COL26A1: variants seen among roughly 807,000 people sequenced by gnomAD.
COL26A1 encodes collagen alpha-1(XXVI) chain.
COL26A1 carries 41 observed loss-of-function variants against 59.3 expected under a neutral mutation model. The observed-to-expected ratio is 0.69, with a 90% CI of 0.54 to 0.90. The LOEUF (loss-of-function observed/expected upper bound fraction) is 0.90. Ranked by LOEUF, COL26A1 falls within the 40% of genes least tolerant of loss-of-function variation. The pLI is 0.00. For synonymous variants in COL26A1, 266 were observed against 256.0 expected (o/e 1.04, Z -0.37); for missense variants, 612 against 602.3 (o/e 1.02, Z -0.17).
chr7:101,457,842 T>TTATTCCA (rs1793512126), intron 3 of COL26A1, among the ~76,000 whole-genome samples: 1 of 152,146 alleles, frequency 6.6e-6, no homozygotes, highest in Non-Finnish European at 1.5e-5. Context: ...TTGCTGGATA[T>TTATTCCA]TATTCCATTG....
At chr7:101,469,536 C>G (rs1793844537) in intron 3 of COL26A1, among the ~76,000 whole-genome samples, 1 of 151,388 alleles carries the variant, frequency 6.6e-6, no homozygotes, top group South Asian at 2.1e-4. Flanking sequence ...TCTTTTCGCC[C>G]TGGTGTGCAG....
chr7:101,544,595 C>T (rs1201580104), intron 6 of COL26A1, among the ~76,000 whole-genome samples: 1 of 144,088 alleles, frequency 6.9e-6, no homozygotes, highest in Non-Finnish European at 1.5e-5. Flanking sequence ...CACGGTGGCA[C>T]AATCTCAGCT....
At chr7:101,461,447 C>T (rs1255125263) in intron 3 of COL26A1, among the ~76,000 whole-genome samples, 2 of 151,960 alleles carry the variant, frequency 1.3e-5, no homozygotes, top group African/African-American at 4.8e-5. Flanking sequence ...TACAGATGCC[C>T]GCCACTACAC....
intron 6 of COL26A1, among the ~76,000 whole-genome samples, chr7:101,544,498 A>G (rs1423518485): frequency 7.1e-6 from 1 of 141,430 alleles, no homozygotes; most frequent in African/African-American, 2.6e-5. Flanking sequence ...AAGTGCTGGG[A>G]TTACAGGCGT....
At chr7:101,435,600 G>A (rs376189115) in intron 2 of COL26A1, among the ~76,000 whole-genome samples, 227 of 152,284 alleles carry the variant, frequency 1.5e-3, no homozygotes, top group African/African-American at 5.1e-3. Context: ...GACGTTGGGC[G>A]TCACGGACAT....
intron 2 of COL26A1, among the ~76,000 whole-genome samples, chr7:101,431,104 TA>T (rs1283332843): frequency 6.6e-6 from 1 of 152,162 alleles, no homozygotes; most frequent in Non-Finnish European, 1.5e-5. Context: ...GCCCAGCCTG[TA>T]TGCCTTTTAT....
intron 1 of COL26A1, among the ~76,000 whole-genome samples, chr7:101,398,665 C>T (rs1791920324): frequency 6.6e-6 from 1 of 152,140 alleles, no homozygotes; most frequent in African/African-American, 2.4e-5. Flanking sequence ...ATGTGTTATT[C>T]ACCCTCTCAG....
rs1021182942 is a variant in COL26A1 at position 101,467,649 on chromosome 7, C to T, written c.385+19862C>T. On this transcript the variant is annotated intron_variant, in intron 3 of 12. Transcript: ENST00000313669. Reference sequence around the variant, plus strand: ...TTGGGAGGCTGAGGCGGGCAGATCACGAGGTCAGGAGATCAAGACCATCCT... The same window carrying T: ...TTGGGAGGCTGAGGCGGGCAGATCATGAGGTCAGGAGATCAAGACCATCCT... 3.8e-4 allele frequency among the ~76,000 whole-genome samples: 56 copies of T among 145,492 alleles called. 3 individuals are homozygous for T. The highest frequency in any genetic ancestry group is 2.1e-4 in the South Asian group (1 of 4,770).
At chr7:101,528,058 G>A (rs1050798966) in intron 3 of COL26A1, among the ~76,000 whole-genome samples, 2 of 152,168 alleles carry the variant, frequency 1.3e-5, no homozygotes, top group South Asian at 2.1e-4. Context: ...GCGCCTGCCC[G>A]GGGATGGGGG....
intron 3 of COL26A1, among the ~76,000 whole-genome samples, chr7:101,471,022 C>T (rs956491482): frequency 1.3e-5 from 2 of 151,994 alleles, no homozygotes; most frequent in Non-Finnish European, 2.9e-5. Flanking sequence ...AGGGGCTCCA[C>T]GCTAGCAATT....
intron 1 of COL26A1, among the ~76,000 whole-genome samples, chr7:101,364,840 G>A (rs1750031300): frequency 6.6e-6 from 1 of 152,188 alleles, no homozygotes; most frequent in African/African-American, 2.4e-5. Context: ...AAAATGCTGG[G>A]ATTACAGGCG....
intron 2 of COL26A1, among the ~76,000 whole-genome samples, chr7:101,445,001 T>C (rs1370650227): frequency 1.3e-5 from 2 of 151,060 alleles, no homozygotes; most frequent in African/African-American, 4.9e-5. Flanking sequence ...CCATCATGCC[T>C]GGCTAATTTT....
intron 2 of COL26A1, among the ~76,000 whole-genome samples, chr7:101,421,036 T>C (rs1336359325): frequency 2.0e-5 from 3 of 151,954 alleles, no homozygotes; most frequent in Non-Finnish European, 4.4e-5. Context: ...CCAAATCCCT[T>C]CCCCTCCTTT....
intron 1 of COL26A1, among the ~76,000 whole-genome samples, chr7:101,384,159 G>T (rs190424357): frequency 3.6e-3 from 549 of 150,944 alleles, no homozygotes; most frequent in African/African-American, 0.012. Flanking sequence ...GACCACAGGC[G>T]TGCGCCACCA....
At chr7:101,373,948 T>C (rs2117012611) in intron 1 of COL26A1, among the ~76,000 whole-genome samples, 1 of 152,346 alleles carries the variant, frequency 6.6e-6, no homozygotes, top group Non-Finnish European at 1.5e-5. Flanking sequence ...CGAACTCGTG[T>C]GACACTTCAT....
intron 3 of COL26A1, among the ~76,000 whole-genome samples, chr7:101,488,089 A>C (rs1277958993): frequency 6.7e-6 from 1 of 149,702 alleles, no homozygotes; most frequent in African/African-American, 2.5e-5. Context: ...CCTGGCCAAC[A>C]TGGTGAAACC....
chr7:101,462,267 G>A lies in COL26A1; in HGVS notation c.385+14480G>A, dbSNP rs1278644550. On this transcript the variant is annotated intron_variant, in intron 3 of 12. Coordinates refer to ENST00000313669, the MANE Select transcript of COL26A1 (RefSeq NM_001278563.3). ...CCCGCCTTGGCCTCCCAGAGTGCTG[G>A]GATTACAGGCTTGAGCCACCGCACC... 2.6e-5 allele frequency among the ~76,000 whole-genome samples: 4 copies of A among 151,854 alleles called. No individual in the cohort carries two copies. In the East Asian group the frequency reaches 5.8e-4, roughly 22 times the overall value.
chr7:101,441,793 T>G (rs1793064283), intron 2 of COL26A1, among the ~76,000 whole-genome samples: 1 of 152,142 alleles, frequency 6.6e-6, no homozygotes, highest in Admixed American at 6.6e-5. Context: ...TCTCTCCTGA[T>G]GACAGTGGGG....
intron 3 of COL26A1, among the ~76,000 whole-genome samples, chr7:101,463,869 TTTTC>T (rs566945352): frequency 0.011 from 1,046 of 91,716 alleles, 13 homozygotes; most frequent in South Asian, 0.015. Context: ...CTCTTTTTTC[TTTTC>T]TTTCTTTCTT....
Sources: gnomAD v4.1 joint callset for allele counts (sites outside exome capture counted in the v4.1 genomes callset) on GRCh38, gnomAD v4.1.1 for gene constraint, MANE v1.5 for transcripts, NCBI Gene and HGNC (gene_info 2026-07-23, HGNC 2026-07-21) for gene names.